The following ENTPD7 variants were observed in gnomAD, a reference collection of about 807,000 sequenced individuals.
ENTPD7 encodes the protein ectonucleoside triphosphate diphosphohydrolase 7.
A neutral mutation model predicts 77.9 loss-of-function variants in ENTPD7; 53 were observed. The observed-to-expected ratio is 0.68, with a 90% confidence interval of 0.55 to 0.85. The LOEUF (loss-of-function observed/expected upper bound fraction) is 0.85, where lower values mean the gene tolerates loss of function less well. Among genes scored for constraint, ENTPD7 ranks in the 40% least tolerant of loss-of-function variants. ENTPD7 has a pLI of 0.00. For missense variants in ENTPD7, 636 were observed against 743.7 expected, an observed-to-expected ratio of 0.86 and a Z score of 1.68; for synonymous variants, 248 against 274.9, an observed-to-expected ratio of 0.90 and a Z score of 0.97.
intron 3 of ENTPD7, among the ~76,000 whole-genome samples, chr10:99,665,256 GA>G (rs11428277): frequency 0.019 from 2,694 of 142,246 alleles, 78 homozygotes; most frequent in African/African-American, 0.065. Context: ...CTGTCTCAAA[GA>G]AAAAAAAAAA....
intron 11 of ENTPD7, among the ~76,000 whole-genome samples, 167 bp downstream of exon 11, chr10:99,701,225 C>T (rs143326590): frequency 6.6e-6 from 1 of 152,068 alleles, no homozygotes; most frequent in East Asian, 1.9e-4. Context: ...CCTATTATAG[C>T]AAAGCCAGAA....
chr10:99,679,240 TTC>T lies in ENTPD7; in HGVS notation c.192-17_192-16del. ...ATGGACCTGACTGCTTAGCACTGAT[TTC>T]TCTTTTTGCCTGACTTAGGTATTTG... On this transcript the variant is annotated intron_variant, in intron 3 of 12. Coordinates refer to ENST00000370489, the MANE Select transcript of ENTPD7 (RefSeq NM_020354.5). The T allele has an allele frequency of 1.2e-6, 2 of 1,613,344 alleles. No individual in the cohort carries two copies. Among genetic ancestry groups the T allele is most frequent in the Non-Finnish European group, 1.7e-6 (2 of 1,179,660 alleles).
At position 99,704,705 on chromosome 10, in the gene ENTPD7, G is replaced by A. The variant is rs753120499; in HGVS notation, c.*22G>A. ...GTGAGGCTGGACCAGGACTAGAGAA[G>A]CTTGAGCACCCCCGAGTTGCTGCTC... On this transcript the variant is annotated 3_prime_UTR_variant, in exon 13 of 13. Transcript: ENST00000370489. The A allele has an allele frequency of 3.1e-5, 50 of 1,600,938 alleles. No individual in the cohort carries two copies. The highest frequency in any genetic ancestry group is 4.3e-5 in the Non-Finnish European group (50 of 1,172,238).
Position 99,704,647 on chromosome 10 carries a change from G to C in ENTPD7, c.1779G>C (p.Glu593Asp). 8.1e-6 allele frequency: 13 copies of C among 1,614,024 alleles called. No individual in the cohort carries two copies. The highest frequency in any genetic ancestry group is 1.1e-5 in the Non-Finnish European group (13 of 1,180,004). ...CATTGGACTTGCTGTGGCTTGAAGA[G>C]GTGGTGCCCATGATGGGAGTACAGG... The part of the protein sequence containing the change: ...SAPLDLLWLE[E>D]VVPMMGVQVG... Residue 593 changes from glutamate (E) to aspartate (D), a missense_variant, in exon 13 of 13, where the codon GAG becomes GAC. By Grantham distance (45) the Glu-to-Asp change is conservative. This residue lies in a region of ENTPD7 where 138 missense variants were observed against 150.9 expected (regional missense o/e 0.91). Transcript: ENST00000370489.
At chr10:99,673,300 A>G (rs922290452) in intron 3 of ENTPD7, among the ~76,000 whole-genome samples, 2 of 152,204 alleles carry the variant, frequency 1.3e-5, no homozygotes, top group African/African-American at 4.8e-5. Flanking sequence ...GGCTAAGGCC[A>G]TGGCTACAAA....
chr10:99,709,221 T>C lies in ENTPD7; in HGVS notation c.*4538T>C. The C allele has an allele frequency of 1.0e-6, 1 of 985,438 alleles. No homozygotes were observed. The highest frequency in any genetic ancestry group is 1.2e-6 in the Non-Finnish European group (1 of 829,924). The allele number at this position is 985,438 out of a possible 1,614,324, so 61.0% of individuals were successfully genotyped here. On this transcript the variant is annotated 3_prime_UTR_variant, in exon 13 of 13. Coordinates refer to ENST00000370489, the MANE Select transcript of ENTPD7 (RefSeq NM_020354.5). ...GAACTTCGTTGTAATTCTTGGGCAG[T>C]TTCCAGACTCTGTTACAGAAACAGA...
intron 3 of ENTPD7, among the ~76,000 whole-genome samples, chr10:99,676,318 A>G (rs2133454656): frequency 1.3e-5 from 2 of 152,280 alleles, no homozygotes; most frequent in South Asian, 4.1e-4. Context: ...AAATATAGAT[A>G]GATACAACCT....
chr10:99,700,833 G>A (rs748371626), intron 10 of ENTPD7, 140 bp from the exon 11 acceptor site: 1 of 733,096 alleles, frequency 1.4e-6, no homozygotes, highest in Non-Finnish European at 2.4e-6. Context: ...AGTGTTTAGT[G>A]AATGAACACA....
chr10:99,662,436 T>G (rs760803021), intron 3 of ENTPD7, among the ~76,000 whole-genome samples: 7 of 152,184 alleles, frequency 4.6e-5, no homozygotes, highest in Non-Finnish European at 1.0e-4. Context: ...AACAAGAACC[T>G]AACAACAGTA....
intron 9 of ENTPD7, among the ~76,000 whole-genome samples, chr10:99,696,794 T>C (rs2035991744): frequency 6.6e-6 from 1 of 152,236 alleles, no homozygotes; most frequent in African/African-American, 2.4e-5. Context: ...GCAGAGTTCT[T>C]TTCCATCATT....
intron 3 of ENTPD7, among the ~76,000 whole-genome samples, chr10:99,666,669 C>T (rs1401732424): frequency 1.3e-5 from 2 of 152,200 alleles, no homozygotes; most frequent in Admixed American, 6.5e-5. Context: ...GCATTTAATA[C>T]ACCTAACCTA....
Position 99,704,601 on chromosome 10 carries a change from G to A in ENTPD7, c.1733G>A (p.Arg578Gln), listed in dbSNP as rs200214468. 104 of 1,613,998 alleles carry A rather than the reference G, an allele frequency of 6.4e-5. No individual in the cohort carries two copies. Among genetic ancestry groups the A allele is most frequent in the Middle Eastern group, 1.6e-4 (1 of 6,082 alleles). ...CTGCGGCTACGCCGAATTCACCACCGACAAACACGAGCCTCAGCTCCATTG... is the reference window on the plus strand; with the variant it reads ...CTGCGGCTACGCCGAATTCACCACCAACAAACACGAGCCTCAGCTCCATTG... ...YLLRLRRIHHRQTRASAPLDL... is the reference protein window; with the variant it reads ...YLLRLRRIHHQQTRASAPLDL... Residue 578 changes from arginine to glutamine, a missense_variant, in exon 13 of 13, where the codon CGA becomes CAA. Physicochemically the swap from Arg to Gln is conservative, Grantham distance 43 (BLOSUM62 1). Around this residue, in one of 3 missense-constraint regions of ENTPD7, gnomAD observed 138 missense variants for 150.9 expected, o/e 0.91. Transcript: ENST00000370489.
chr10:99,673,728 A>G (rs1338387440), intron 3 of ENTPD7, among the ~76,000 whole-genome samples: 1 of 152,234 alleles, frequency 6.6e-6, no homozygotes, highest in Non-Finnish European at 1.5e-5. Flanking sequence ...AAGATACTTT[A>G]TTTGGAAAGC....
intron 5 of ENTPD7, among the ~76,000 whole-genome samples, chr10:99,684,424 C>T (rs909005523): frequency 2.6e-5 from 4 of 152,196 alleles, no homozygotes; most frequent in East Asian, 1.9e-4. Context: ...CCAAAACCAA[C>T]GAACCCTCTC....
intron 5 of ENTPD7, among the ~76,000 whole-genome samples, chr10:99,684,618 C>G (rs1328346222): frequency 3.3e-5 from 5 of 152,184 alleles, no homozygotes; most frequent in African/African-American, 1.2e-4. Context: ...GTGCTAACAA[C>G]ATTCTTCATC....
intron 2 of ENTPD7, 137 bp from the exon 3 acceptor site, chr10:99,661,309 G>A (rs1423562561): frequency 1.0e-5 from 7 of 674,272 alleles, no homozygotes. Context: ...TCTAAAATTA[G>A]AGATGACAAG....
At position 99,694,978 on chromosome 10, in the gene ENTPD7, A is replaced by G. The variant is rs117295333; in HGVS notation, c.844-978A>G. On this transcript the variant is annotated intron_variant, in intron 8 of 12. Coordinates refer to ENST00000370489, the MANE Select transcript of ENTPD7 (RefSeq NM_020354.5). ...TATATACAAAAATTATACATAACAC[A>G]TTAGAATGGTTGCCCATGGCAGAGA... 7.8e-3 allele frequency among the ~76,000 whole-genome samples: 1,189 copies of G among 152,340 alleles called. 9 individuals are homozygous for G. Among genetic ancestry groups the G allele is most frequent in the Middle Eastern group, 0.027 (8 of 294 alleles).
intron 2 of ENTPD7, chr10:99,660,509 A>C (rs1192544716): frequency 4.3e-6 from 2 of 462,906 alleles, no homozygotes; most frequent in East Asian, 1.4e-4. Context: ...TTTGTGTAAA[A>C]CCGAGGGAAT....
At chr10:99,661,313 T>G in intron 2 of ENTPD7, 133 bp from the exon 3 acceptor site, 1 of 700,052 alleles carries the variant, frequency 1.4e-6, no homozygotes, top group Non-Finnish European at 2.3e-6. Context: ...AAATTAGAGA[T>G]GACAAGAACA....
Sources: allele counts gnomAD v4.1 joint callset (sites outside exome capture counted in the v4.1 genomes callset), GRCh38; gene constraint gnomAD v4.1.1; regional missense constraint gnomAD v4.1.1; transcripts MANE v1.5; gene names NCBI Gene and HGNC (gene_info 2026-07-23, HGNC 2026-07-21).